Variants in MCIDAS observed in about 807,000 individuals in gnomAD.
MCIDAS encodes multiciliate differentiation and DNA synthesis associated cell cycle protein, also known as multicilin.
Under a neutral mutation model 35.4 loss-of-function variants are expected in MCIDAS, and 23 were observed. The ratio of observed to expected loss-of-function variants is 0.65; its 90% CI spans 0.47 to 0.92. The LOEUF is 0.92. Ranked by LOEUF, MCIDAS falls within the 40% of genes least tolerant of loss-of-function variation. The pLI, the probability that MCIDAS is intolerant of heterozygous loss-of-function variation, is 0.00. For synonymous variants in MCIDAS, 228 were observed against 235.2 expected (o/e 0.97, Z 0.28); for missense variants, 480 against 531.8 (o/e 0.90, Z 0.96).
Position 55,220,792 on chromosome 5 carries a change from T to C in MCIDAS, c.732A>G (p.Thr244=), listed in dbSNP as rs1439813998. ...LASVLDKLMI[T]QSRDCGAAAE... ...CCGCCGCCCCACAATCCCGGGACTG[T>C]GTGATCATCAGCTTCTACGAAAGAC... is the stretch of plus-strand genomic sequence containing the variant. The change falls in exon 7 of 7, where the codon ACA becomes ACG. Residue 244 remains threonine, a synonymous_variant. Coordinates refer to ENST00000513312, the MANE Select transcript of MCIDAS (RefSeq NM_001190787.3). 6.5e-7 allele frequency: 1 copy of C among 1,526,724 alleles called. No individual in the cohort carries two copies. Among genetic ancestry groups the C allele is most frequent in the Non-Finnish European group, 8.8e-7 (1 of 1,139,600 alleles). The allele number at this position is 1,526,724 out of a possible 1,614,324, so 94.6% of individuals were successfully genotyped here. A position where few individuals can be genotyped will look rare whatever the true frequency, so the allele number is the denominator to read the frequency against.
Position 55,223,851 on chromosome 5 carries a change from G to A in MCIDAS, c.310-828C>T, listed in dbSNP as rs193147162. ...AAAAAGTTGGGAGTACTCTTTTCTCGTACAGCCGGTGCACCTCCAACATTA... is the reference window on the plus strand; with the variant it reads ...AAAAAGTTGGGAGTACTCTTTTCTCATACAGCCGGTGCACCTCCAACATTA... On this transcript the variant is annotated intron_variant, in intron 3 of 6. Transcript: ENST00000513312. This position sits in a 1 kb window ranked among gnomAD's most constrained non-coding sequence, Gnocchi z 4.4. Among the ~76,000 whole-genome samples the A allele has an allele frequency of 6.2e-4, 95 of 152,182 alleles. No individual in the cohort carries two copies. Among genetic ancestry groups the A allele is most frequent in the African/African-American group, 2.2e-3 (91 of 41,510 alleles).
intron 5 of MCIDAS, 67 bp downstream of exon 5, chr5:55,222,109 C>A (rs1745369924): frequency 2.7e-6 from 4 of 1,467,712 alleles, no homozygotes; most frequent in Non-Finnish European, 2.8e-6. Flanking sequence ...CCCTTGCAAA[C>A]CCCACTTCCA....
intron 1 of MCIDAS, 27 bp from the exon 2 acceptor site, chr5:55,226,958 C>A: frequency 6.7e-7 from 1 of 1,484,508 alleles, no homozygotes; most frequent in South Asian, 1.3e-5. Flanking sequence ...ACGTTGAACG[C>A]GGGTCAGCCC....
chr5:55,224,081 A>G (rs1404537147), intron 3 of MCIDAS, among the ~76,000 whole-genome samples: 1 of 152,180 alleles, frequency 6.6e-6, no homozygotes, highest in Admixed American at 6.5e-5. Context: ...TCTTTGAGGA[A>G]GAATCTGAAG....
Position 55,220,260 on chromosome 5 carries a change from GAA to G in MCIDAS, c.*104_*105del. ...TCGGTATCAAGATGCTTTTGTTCCT[GAA>G]AAAGTGTTTCAGGGTGGCATTCAAC... On this transcript the variant is annotated 3_prime_UTR_variant, in exon 7 of 7. Transcript: ENST00000513312. 1.8e-6 allele frequency: 2 copies of G among 1,116,048 alleles called. No homozygotes were observed. Among genetic ancestry groups the G allele is most frequent in the Non-Finnish European group, 2.5e-6 (2 of 807,212 alleles). The allele number at this position is 1,116,048 out of a possible 1,614,324, so 69.1% of individuals were successfully genotyped here. A position where few individuals can be genotyped will look rare whatever the true frequency, so the allele number is the denominator to read the frequency against.
Position 55,222,333 on chromosome 5 carries a change from G to A in MCIDAS, c.449C>T (p.Ser150Leu), listed in dbSNP as rs1745376357. The change falls in exon 5 of 7, where the codon TCA becomes TTA. Residue 150 changes from serine (S) to leucine (L), a missense_variant. Coordinates refer to ENST00000513312, the MANE Select transcript of MCIDAS (RefSeq NM_001190787.3). ...CGGGGAGAGGCAGGGCCCGAATGGTGATATGTCGCAAGGAGAGAAGGGGAA... is the reference window on the plus strand; with the variant it reads ...CGGGGAGAGGCAGGGCCCGAATGGTAATATGTCGCAAGGAGAGAAGGGGAA... ...GDFPFSPCDI[S>L]PFGPCLSPPL... 3.3e-6 allele frequency: 5 copies of A among 1,534,996 alleles called. No individual in the cohort carries two copies. The highest frequency in any genetic ancestry group is 4.4e-6 in the Non-Finnish European group (5 of 1,146,244).
intron 3 of MCIDAS, among the ~76,000 whole-genome samples, chr5:55,225,822 C>T (rs576530827): frequency 1.3e-3 from 192 of 152,202 alleles, no homozygotes; most frequent in Non-Finnish European, 2.5e-3. Flanking sequence ...CTTCTGGCCT[C>T]CCAGACACCA....
Position 55,221,189 on chromosome 5 carries a change from G to C in MCIDAS, c.607-63C>G. ...GTGCTGGGTCTCGTCTGCATATCTG[G>C]CATGAATCAAACCCAGATCCTGACG... On this transcript the variant is annotated intron_variant, in intron 5 of 6. Coordinates refer to ENST00000513312, the MANE Select transcript of MCIDAS (RefSeq NM_001190787.3). 3.3e-6 allele frequency: 4 copies of C among 1,216,396 alleles called. No individual in the cohort carries two copies. The South Asian group carries it at 5.5e-5, about 17-fold the overall frequency. The allele number at this position is 1,216,396 out of a possible 1,614,324, so 75.4% of individuals were successfully genotyped here.
In MCIDAS at chr5:55,220,358, A is replaced by T; in HGVS notation, c.*8T>A. The T allele has an allele frequency of 6.5e-7, 1 of 1,529,698 alleles. No individual in the cohort carries two copies. Among genetic ancestry groups the T allele is most frequent in the South Asian group, 1.2e-5 (1 of 83,586 alleles). The allele number at this position is 1,529,698 out of a possible 1,614,324, so 94.8% of individuals were successfully genotyped here. A position where few individuals can be genotyped will look rare whatever the true frequency, so the allele number is the denominator to read the frequency against. On this transcript the variant is annotated 3_prime_UTR_variant, in exon 7 of 7. Coordinates refer to ENST00000513312, the MANE Select transcript of MCIDAS (RefSeq NM_001190787.3). ...ACAGGGCAGTGTTTTGGGGGACCACATCACAGCTCAACTGGGGACCCAGCG... is the reference window on the plus strand; with the variant it reads ...ACAGGGCAGTGTTTTGGGGGACCACTTCACAGCTCAACTGGGGACCCAGCG...
chr5:55,220,635 T>C lies in MCIDAS; in HGVS notation c.889A>G (p.Ser297Gly). Residue 297 changes from serine to glycine, a missense_variant, in exon 7 of 7, where the codon AGC becomes GGC. Coordinates refer to ENST00000513312, the MANE Select transcript of MCIDAS (RefSeq NM_001190787.3). The part of the protein sequence containing the change: ...ISERCDEALQ[S>G]RDPKRPRLLP... ...AGTCGGGGCCGCTTGGGATCGCGGCTCTGAAGGGCTTCATCGCAGCGCTCG... is the reference window on the plus strand; with the variant it reads ...AGTCGGGGCCGCTTGGGATCGCGGCCCTGAAGGGCTTCATCGCAGCGCTCG... 1 of 1,536,092 alleles carries C rather than the reference T, an allele frequency of 6.5e-7. No homozygotes were observed. Among genetic ancestry groups the C allele is most frequent in the Non-Finnish European group, 8.7e-7 (1 of 1,146,864 alleles).
chr5:55,220,759 G>A lies in MCIDAS; in HGVS notation c.765C>T (p.Pro255=). 1 of 1,534,098 alleles carries A rather than the reference G, an allele frequency of 6.5e-7. No individual in the cohort carries two copies. Among genetic ancestry groups the A allele is most frequent in the African/African-American group, 1.4e-5 (1 of 73,140 alleles). Residue 255 remains proline (P), a synonymous_variant, in exon 7 of 7, where the codon CCC becomes CCT. Coordinates refer to ENST00000513312, the MANE Select transcript of MCIDAS (RefSeq NM_001190787.3). ...QSRDCGAAAE[P]FLLKAKAKRS... ...TTTTGGCCTTCGCCTTGAGCAGGAA[G>A]GGCTCGGCCGCCGCCCCACAATCCC...
chr5:55,226,924 G>A lies in MCIDAS; in HGVS notation c.128C>T (p.Pro43Leu). The change falls in exon 2 of 7, where the codon CCT (proline) becomes CTT (leucine). Residue 43 changes from proline (P) to leucine (L), a missense_variant. Coordinates refer to ENST00000513312, the MANE Select transcript of MCIDAS (RefSeq NM_001190787.3). ...GCATCCGGGGAAGAACTTCCGCGGA[G>A]GAGCGAACTGGCCGGGCACACAAAC... ...KPGKPERKFA[P>L]PRKFFPGCTG... The A allele has an allele frequency of 7.0e-7, 1 of 1,437,356 alleles. No homozygotes were observed. Among genetic ancestry groups the A allele is most frequent in the Non-Finnish European group, 9.1e-7 (1 of 1,102,810 alleles). 89.0% of individuals were successfully genotyped at this position (1,437,356 alleles called of 1,614,324 possible).
Position 55,220,659 on chromosome 5 carries a change from C to A in MCIDAS, c.865G>T (p.Glu289Ter). 4 of 1,536,100 alleles carry A rather than the reference C, an allele frequency of 2.6e-6. No homozygotes were observed. The highest frequency in any genetic ancestry group is 3.5e-6 in the Non-Finnish European group (4 of 1,146,876). ...EVDAILREISERCDEALQSRD... is the reference protein window; with the variant it reads ...EVDAILREIS Reference sequence around the variant, plus strand: ...CTCTGAAGGGCTTCATCGCAGCGCTCGGAAATCTCCCTCAGGATGGCGTCC... The same window carrying A: ...CTCTGAAGGGCTTCATCGCAGCGCTAGGAAATCTCCCTCAGGATGGCGTCC... Residue 289 changes from glutamate to a stop codon, truncating the protein, a stop_gained, in exon 7 of 7, where the codon GAG becomes TAG. Coordinates refer to ENST00000513312, the MANE Select transcript of MCIDAS (RefSeq NM_001190787.3). LOFTEE classifies it high-confidence loss of function.
intron 4 of MCIDAS, 75 bp downstream of exon 4, chr5:55,222,876 C>A: frequency 2.2e-6 from 3 of 1,373,094 alleles, no homozygotes; most frequent in Non-Finnish European, 2.0e-6. Context: ...TTCACGACCA[C>A]GAAATCTGAA....
intron 4 of MCIDAS, 57 bp downstream of exon 4, chr5:55,222,894 G>T: frequency 6.9e-7 from 1 of 1,457,068 alleles, no homozygotes; most frequent in African/African-American, 1.4e-5. Context: ...GAACTAGTCT[G>T]ATTTGGGAGT....
chr5:55,222,803 G>A, intron 4 of MCIDAS, 148 bp downstream of exon 4: 1 of 700,636 alleles, frequency 1.4e-6, no homozygotes. Context: ...TCCTAAATAT[G>A]GAAAAGGCTG....
At position 55,222,039 on chromosome 5, in the gene MCIDAS, T is replaced by C. The variant is rs537647645; in HGVS notation, c.606+137A>G. On this transcript the variant is annotated intron_variant, in intron 5 of 6. Coordinates refer to ENST00000513312, the MANE Select transcript of MCIDAS (RefSeq NM_001190787.3). ...GAAACAGGTGGAGCCACCGGAGCAA[T>C]GGCAGCTACGTGAACCACCAGTCAG... 1.7e-4 allele frequency: 118 copies of C among 684,758 alleles called. No individual in the cohort carries two copies. In the South Asian group the frequency reaches 2.3e-3, roughly 13 times the overall value. The allele number at this position is 684,758 out of a possible 1,614,324, so 42.4% of individuals were successfully genotyped here.
At chr5:55,221,181 C>T in intron 5 of MCIDAS, 55 bp from the exon 6 acceptor site, 1 of 1,286,604 alleles carries the variant, frequency 7.8e-7, no homozygotes, top group Non-Finnish European at 1.1e-6. Flanking sequence ...GTCTCGTCTG[C>T]ATATCTGGCA....
Position 55,220,142 on chromosome 5 carries a change from T to C in MCIDAS, c.*224A>G. The C allele has an allele frequency of 2.1e-6, 1 of 473,550 alleles. No homozygotes were observed. The allele number at this position is 473,550 out of a possible 1,614,324, so 29.3% of individuals were successfully genotyped here. A position where few individuals can be genotyped will look rare whatever the true frequency, so the allele number is the denominator to read the frequency against. ...AAAAATAAATACTTTTAAAATTGGCTGTGACATATGTGACATATACATATA... is the reference window on the plus strand; with the variant it reads ...AAAAATAAATACTTTTAAAATTGGCCGTGACATATGTGACATATACATATA... On this transcript the variant is annotated 3_prime_UTR_variant, in exon 7 of 7. Transcript: ENST00000513312.
Sources: gnomAD v4.1 joint callset for allele counts (sites outside exome capture counted in the v4.1 genomes callset) on GRCh38, gnomAD v4.1.1 for gene constraint, Gnocchi (gnomAD v3.1) non-coding constraint, MANE v1.5 for transcripts, NCBI Gene and HGNC (gene_info 2026-07-23, HGNC 2026-07-21) for gene names.